PIK3R5: variants seen among roughly 807,000 people sequenced by gnomAD.
PIK3R5 encodes phosphoinositide 3-kinase regulatory subunit 5.
In PIK3R5, 32 loss-of-function variants were observed where a neutral mutation model predicts 94.9. The ratio of observed to expected loss-of-function variants is 0.34; its 90% CI spans 0.25 to 0.45. PIK3R5 has a LOEUF of 0.45. Ranked by LOEUF, PIK3R5 falls within the 20% of genes least tolerant of loss-of-function variation. The pLI is 1.00. For synonymous variants in PIK3R5, 443 were observed against 479.4 expected, an observed-to-expected ratio of 0.92 and a Z score of 0.99; for missense variants, 853 against 1,144.6, an observed-to-expected ratio of 0.75 and a Z score of 3.68.
At chr17:8,913,605 G>A (rs565892130) in intron 1 of PIK3R5, among the ~76,000 whole-genome samples, 6 of 152,170 alleles carry the variant, frequency 3.9e-5, no homozygotes, top group African/African-American at 9.7e-5. Flanking sequence ...CCAGTTACCC[G>A]GGAGGCTGAG....
intron 1 of PIK3R5, among the ~76,000 whole-genome samples, chr17:8,944,494 C>A (rs1373562427): frequency 6.6e-6 from 1 of 152,218 alleles, no homozygotes; most frequent in Non-Finnish European, 1.5e-5. Context: ...AGCACATCCT[C>A]TGTAAAGGGA....
Position 8,888,708 on chromosome 17 carries a change from G to C in PIK3R5, c.1079C>G (p.Ser360Cys). The change falls in exon 10 of 19, where the codon TCC (serine) becomes TGC (cysteine). Residue 360 changes from serine to cysteine, a missense_variant. By Grantham distance (112) the Ser-to-Cys change is moderately radical. Transcript: ENST00000447110. This position sits in a 1 kb window ranked among gnomAD's most constrained non-coding sequence, Gnocchi z 7.8. ...SSLASHDSTL[S>C]LASSQASGPA... ...CCCCGAGGCCTGGGAGGATGCAAGG[G>C]ACAAGGTGGAGTCATGGGACGCCAA... 1 of 1,613,908 alleles carries C rather than the reference G, an allele frequency of 6.2e-7. No individual in the cohort carries two copies. Among genetic ancestry groups the C allele is most frequent in the Non-Finnish European group, 8.5e-7 (1 of 1,180,024 alleles).
intron 1 of PIK3R5, among the ~76,000 whole-genome samples, chr17:8,948,818 C>T (rs934467025): frequency 1.3e-5 from 2 of 152,306 alleles, no homozygotes; most frequent in South Asian, 4.1e-4. Context: ...CTCCTAGCTA[C>T]ATGCCCAGTG....
At chr17:8,921,589 G>T (rs2090746408) in intron 1 of PIK3R5, among the ~76,000 whole-genome samples, 1 of 152,108 alleles carries the variant, frequency 6.6e-6, no homozygotes, top group South Asian at 2.1e-4. Context: ...ATCTAACTAT[G>T]CAAATAAATT....
rs1044631380 is a variant in PIK3R5, at chr17:8,909,270, T to G, written c.104-96A>C. On this transcript the variant is annotated intron_variant, in intron 2 of 18. Coordinates refer to ENST00000447110, the MANE Select transcript of PIK3R5 (RefSeq NM_001142633.3). The surrounding 1 kb of genome is among the most constrained non-coding windows in gnomAD (Gnocchi z 4.3). Reference sequence around the variant, plus strand: ...GAAGGGGCATTTATGCTGGAACATTTTTCTGTGGTATTGCACTGGAACACT... The same window carrying G: ...GAAGGGGCATTTATGCTGGAACATTGTTCTGTGGTATTGCACTGGAACACT... The G allele has an allele frequency of 5.5e-6, 4 of 724,724 alleles. No homozygotes were observed. The African/African-American group carries it at 7.1e-5, about 13-fold the overall frequency. 44.9% of individuals were successfully genotyped at this position (724,724 alleles called of 1,614,324 possible).
Position 8,888,513 on chromosome 17 carries a change from T to C in PIK3R5, c.1274A>G (p.Tyr425Cys), listed in dbSNP as rs753381477. 1.1e-5 allele frequency: 17 copies of C among 1,610,660 alleles called. No individual in the cohort carries two copies. The East Asian group carries it at 3.6e-4, about 34-fold the overall frequency. Residue 425 changes from tyrosine (Y) to cysteine (C), a missense_variant, in exon 10 of 19, where the codon TAT becomes TGT. Transcript: ENST00000447110. The surrounding 1 kb of genome is among the most constrained non-coding windows in gnomAD (Gnocchi z 7.8). ...CTGGCTGGTGCTCTTGAAGAGTTTA[T>C]AGATCCTGATGAACTTCTGCCCAGG... is the stretch of plus-strand genomic sequence containing the variant. ...RRPGQKFIRI[Y>C]KLFKSTSQLV...
chr17:8,958,826 T>A (rs1472058134), intron 1 of PIK3R5, among the ~76,000 whole-genome samples: 3 of 151,706 alleles, frequency 2.0e-5, no homozygotes. Flanking sequence ...TGGCGCGATC[T>A]CGGCTCACCA....
intron 1 of PIK3R5, among the ~76,000 whole-genome samples, chr17:8,951,438 A>T (rs992631382): frequency 2.0e-5 from 3 of 152,016 alleles, no homozygotes; most frequent in Non-Finnish European, 2.9e-5. Flanking sequence ...GGTAACCTCT[A>T]ATCTACTTTC....
At chr17:8,912,553 C>T (rs1336393197) in intron 1 of PIK3R5, 1 of 152,264 alleles carries the variant, frequency 6.6e-6, no homozygotes, top group Non-Finnish European at 1.5e-5. Flanking sequence ...CAGTCATTGC[C>T]ATCATCGCCC....
intron 1 of PIK3R5, among the ~76,000 whole-genome samples, chr17:8,923,874 C>A (rs2090802946): frequency 1.4e-5 from 2 of 145,650 alleles, no homozygotes; most frequent in South Asian, 2.3e-4. Context: ...CCCTTCCCTT[C>A]CCTTCCCCTC....
chr17:8,963,284 C>T (rs1415166909), intron 1 of PIK3R5, among the ~76,000 whole-genome samples: 2 of 152,206 alleles, frequency 1.3e-5, no homozygotes, highest in African/African-American at 4.8e-5. Context: ...CAAGTCAGCA[C>T]AGCTTGAGTG....
intron 1 of PIK3R5, among the ~76,000 whole-genome samples, chr17:8,958,368 G>T (rs1318937085): frequency 6.6e-6 from 1 of 152,010 alleles, no homozygotes; most frequent in Non-Finnish European, 1.5e-5. Flanking sequence ...ACCCAATTGA[G>T]TTTACTCCAG....
chr17:8,940,740 T>C lies in PIK3R5; in HGVS notation c.-14+24856A>G, dbSNP rs918457309. 2.0e-5 allele frequency among the ~76,000 whole-genome samples: 3 copies of C among 152,242 alleles called. No homozygotes were observed. The East Asian group carries it at 5.8e-4, about 29-fold the overall frequency. ...CATGCCTGGCTAATTTTTGTATTTT[T>C]AGTAGAGACAGGGTTTCACCACGTT... On this transcript the variant is annotated intron_variant, in intron 1 of 18. Coordinates refer to ENST00000447110, the MANE Select transcript of PIK3R5 (RefSeq NM_001142633.3).
At chr17:8,938,806 T>G (rs1250203610) in intron 1 of PIK3R5, among the ~76,000 whole-genome samples, 1 of 152,244 alleles carries the variant, frequency 6.6e-6, no homozygotes, top group African/African-American at 2.4e-5. Context: ...ATTTGTAATT[T>G]TATTTCTCAA....
At position 8,935,693 on chromosome 17, in the gene PIK3R5, A is replaced by C. The variant is rs1218542257; in HGVS notation, c.-13-24186T>G. ...ATCCTGAGGAAGGTTTGTGGCAGGA[A>C]AGTGAACAGCTCTGAGCTCCCGGAC... On this transcript the variant is annotated intron_variant, in intron 1 of 18. Transcript: ENST00000447110. This position sits in a 1 kb window ranked among gnomAD's most constrained non-coding sequence, Gnocchi z 4.5. 1.3e-5 allele frequency among the ~76,000 whole-genome samples: 2 copies of C among 152,186 alleles called. No homozygotes were observed. Among genetic ancestry groups the C allele is most frequent in the Non-Finnish European group, 2.9e-5 (2 of 68,030 alleles).
At chr17:8,917,243 C>A (rs1452805871) in intron 1 of PIK3R5, among the ~76,000 whole-genome samples, 1 of 152,278 alleles carries the variant, frequency 6.6e-6, no homozygotes, top group East Asian at 1.9e-4. Context: ...AACAGCACTT[C>A]TCTGAGGATT....
intron 1 of PIK3R5, among the ~76,000 whole-genome samples, chr17:8,957,114 C>T (rs2091478222): frequency 6.6e-6 from 1 of 152,152 alleles, no homozygotes; most frequent in African/African-American, 2.4e-5. Context: ...GAACAACCAG[C>T]GTTTACACAA....
intron 1 of PIK3R5, among the ~76,000 whole-genome samples, chr17:8,949,455 T>A (rs1156907983): frequency 6.6e-6 from 1 of 152,000 alleles, no homozygotes; most frequent in Non-Finnish European, 1.5e-5. Context: ...AAACTTGAGG[T>A]TGTGAAAGGG....
chr17:8,940,088 G>A (rs2091147272), intron 1 of PIK3R5, among the ~76,000 whole-genome samples: 1 of 152,182 alleles, frequency 6.6e-6, no homozygotes, highest in South Asian at 2.1e-4. Context: ...GACTTCACAA[G>A]GGCAGCCCCT....
Sources: allele counts gnomAD v4.1 joint callset (sites outside exome capture counted in the v4.1 genomes callset), GRCh38; gene constraint gnomAD v4.1.1; non-coding constraint Gnocchi (gnomAD v3.1); transcripts MANE v1.5; gene names NCBI Gene and HGNC (gene_info 2026-07-23, HGNC 2026-07-21).